The following GYG1 variants were observed in gnomAD, a reference collection of about 807,000 sequenced individuals.
The protein encoded by GYG1 is glycogenin 1, also known as glycogenin-1.
In GYG1, 44 loss-of-function variants were observed where a neutral mutation model predicts 41.9. That is an observed-to-expected ratio of 1.05 (90% CI 0.83 to 1.35). The LOEUF is 1.35. GYG1 is among the 40% of genes most tolerant of loss of function. The pLI is 0.00. For missense variants in GYG1, 429 were observed against 418.9 expected, an observed-to-expected ratio of 1.02 and a Z score of -0.21; for synonymous variants, 141 against 158.1, an observed-to-expected ratio of 0.89 and a Z score of 0.81.
intron 5 of GYG1, among the ~76,000 whole-genome samples, chr3:149,012,899 A>C (rs1378389330): frequency 2.0e-5 from 3 of 152,024 alleles, no homozygotes; most frequent in Non-Finnish European, 4.4e-5. Flanking sequence ...ATCACGACTC[A>C]CTATAGCCTC....
rs528319669 is a variant in GYG1 at position 149,005,089 on chromosome 3, C to T, written c.482-4187C>T. On this transcript the variant is annotated intron_variant, in intron 4 of 7. Coordinates refer to ENST00000345003, the MANE Select transcript of GYG1 (RefSeq NM_004130.4). Reference sequence around the variant, plus strand: ...TTAGTCATTTTAAGTGGAATTGCTTCAGTTAAAGAAGGTGTTATAATGTCC... The same window carrying T: ...TTAGTCATTTTAAGTGGAATTGCTTTAGTTAAAGAAGGTGTTATAATGTCC... Among the ~76,000 whole-genome samples the T allele has an allele frequency of 1.8e-4, 28 of 152,178 alleles. 1 individual carries two copies. The South Asian group carries it at 5.8e-3, about 32-fold the overall frequency.
chr3:149,027,544 C>G lies in GYG1; in HGVS notation c.*611C>G, dbSNP rs1714724306. The G allele has an allele frequency of 1.3e-5, 2 of 154,450 alleles. No individual in the cohort carries two copies. The highest frequency in any genetic ancestry group is 2.9e-5 in the Non-Finnish European group (2 of 69,220). The allele number at this position is 154,450 out of a possible 1,614,324, so 9.6% of individuals were successfully genotyped here. A position where few individuals can be genotyped will look rare whatever the true frequency, so the allele number is the denominator to read the frequency against. On this transcript the variant is annotated 3_prime_UTR_variant, in exon 8 of 8. Transcript: ENST00000345003. ...GGCAGCATGCTAAAATGCTTTTGTT[C>G]AGTTCTGTATATTTGAAAATAGCAG...
intron 2 of GYG1, among the ~76,000 whole-genome samples, chr3:148,995,756 C>T (rs765273553): frequency 3.4e-4 from 52 of 152,180 alleles, no homozygotes; most frequent in Non-Finnish European, 6.5e-4. Flanking sequence ...TTTACCCGTG[C>T]TCAGTTTAGT....
At chr3:149,022,836 T>A (rs1400213701) in intron 5 of GYG1, among the ~76,000 whole-genome samples, 4 of 152,138 alleles carry the variant, frequency 2.6e-5, no homozygotes, top group Admixed American at 1.3e-4. Flanking sequence ...ATGTAATTGT[T>A]TGACCCGTTG....
At position 149,026,811 on chromosome 3, in the gene GYG1, A is replaced by G. The variant is rs747456955; in HGVS notation, c.931A>G (p.Met311Val). The G allele has an allele frequency of 1.7e-5, 28 of 1,613,946 alleles. No homozygotes were observed. In the East Asian group the frequency reaches 5.8e-4, roughly 33 times the overall value. ...TCTGTCCCTTGGGGAGATCCCAGCT[A>G]TGGCACAGCCGTTTGTATCCTCGGA... The part of the protein sequence containing the change: ...SHLSLGEIPA[M>V]AQPFVSSEER... The change falls in exon 8 of 8, where the codon ATG becomes GTG. Residue 311 changes from methionine to valine, a missense_variant. By Grantham distance (21) the Met-to-Val change is conservative. Transcript: ENST00000345003.
Position 149,009,272 on chromosome 3 carries a change from T to C in GYG1, c.482-4T>C. 1 of 1,609,638 alleles carries C rather than the reference T, an allele frequency of 6.2e-7. No homozygotes were observed. Among genetic ancestry groups the C allele is most frequent in the Non-Finnish European group, 8.5e-7 (1 of 1,175,924 alleles). On this transcript the variant is annotated splice_region_variant and splice_polypyrimidine_tract_variant and intron_variant, in intron 4 of 7. Transcript: ENST00000345003. The stretch of plus-strand genomic sequence containing the variant: ...TAACTAATTTATATATTTTTTTCTT[T>C]TAGGTGGGGACCAAGGCATACTGAA...
At chr3:149,016,273 AAAAC>A (rs1376940713) in intron 5 of GYG1, among the ~76,000 whole-genome samples, 7 of 148,162 alleles carry the variant, frequency 4.7e-5, no homozygotes, top group East Asian at 1.9e-4. Flanking sequence ...AAAAAAAAAA[AAAAC>A]AAAAAAGAAA....
chr3:149,022,824 A>G, intron 5 of GYG1, among the ~76,000 whole-genome samples: 1 of 151,568 alleles, frequency 6.6e-6, no homozygotes, highest in East Asian at 1.9e-4. Flanking sequence ...GGAATCATAT[A>G]TATGTAATTG....
rs186419758 is a variant in GYG1 at position 149,006,586 on chromosome 3, C to T, written c.482-2690C>T. ...AGGTTATTGTATCTCTAGTTTGTTCCGTCTTATAGCTGAGAAATATCCCAC... is the reference window on the plus strand; with the variant it reads ...AGGTTATTGTATCTCTAGTTTGTTCTGTCTTATAGCTGAGAAATATCCCAC... On this transcript the variant is annotated intron_variant, in intron 4 of 7. Coordinates refer to ENST00000345003, the MANE Select transcript of GYG1 (RefSeq NM_004130.4). 1.8e-4 allele frequency among the ~76,000 whole-genome samples: 28 copies of T among 152,088 alleles called. No individual in the cohort carries two copies. In the East Asian group the frequency reaches 5.2e-3, roughly 28 times the overall value.
chr3:149,031,018 C>T lies in GYG1; in HGVS notation c.*4085C>T, dbSNP rs1714976875. On this transcript the variant is annotated 3_prime_UTR_variant, in exon 8 of 8. Coordinates refer to ENST00000345003, the MANE Select transcript of GYG1 (RefSeq NM_004130.4). ...TCTCTTGTTTGTTAGAGTAATTAAT[C>T]TTTCTTTGGATTAAAGTTTCCCTTT... The T allele has an allele frequency of 6.6e-6, 1 of 152,126 alleles. No homozygotes were observed. The highest frequency in any genetic ancestry group is 2.4e-5 in the African/African-American group (1 of 41,426). 9.4% of individuals were successfully genotyped at this position (152,126 alleles called of 1,614,324 possible).
chr3:149,028,858 C>G lies in GYG1; in HGVS notation c.*1925C>G, dbSNP rs1479002540. ...ACCTCAGCCTCCTGAGTAGCTGGGA[C>G]TACAGGCACGCACCACCACGCCCAG... is the stretch of plus-strand genomic sequence containing the variant. On this transcript the variant is annotated 3_prime_UTR_variant, in exon 8 of 8. Transcript: ENST00000345003. Among the ~76,000 whole-genome samples the G allele has an allele frequency of 6.6e-6, 1 of 151,880 alleles. No individual in the cohort carries two copies. The highest frequency in any genetic ancestry group is 1.5e-5 in the Non-Finnish European group (1 of 67,968).
At position 149,030,186 on chromosome 3, in the gene GYG1, T is replaced by C. The variant is rs969361593; in HGVS notation, c.*3253T>C. On this transcript the variant is annotated 3_prime_UTR_variant, in exon 8 of 8. Coordinates refer to ENST00000345003, the MANE Select transcript of GYG1 (RefSeq NM_004130.4). Reference sequence around the variant, plus strand: ...AATCCAGTTTTAACCACAAAATTGTTTGAATCACAAGTGGTAATACAATGT... The same window carrying C: ...AATCCAGTTTTAACCACAAAATTGTCTGAATCACAAGTGGTAATACAATGT... 1.3e-5 allele frequency: 2 copies of C among 152,212 alleles called. No homozygotes were observed. Among genetic ancestry groups the C allele is most frequent in the African/African-American group, 4.8e-5 (2 of 41,468 alleles). The allele number at this position is 152,212 out of a possible 1,614,324, so 9.4% of individuals were successfully genotyped here. A position where few individuals can be genotyped will look rare whatever the true frequency, so the allele number is the denominator to read the frequency against.
rs115973939 is a variant in GYG1 at position 149,015,107 on chromosome 3, T to A, written c.608+5705T>A. Among the ~76,000 whole-genome samples the A allele has an allele frequency of 9.1e-3, 1,393 of 152,258 alleles. 25 individuals carry two copies. Among genetic ancestry groups the A allele is most frequent in the African/African-American group, 0.031 (1,297 of 41,554 alleles). ...GTTACAGGTTTGTGGTCTAAGTGAC[T>A]GGAATGATAGAGTTGCCATTTCCTG... On this transcript the variant is annotated intron_variant, in intron 5 of 7. Coordinates refer to ENST00000345003, the MANE Select transcript of GYG1 (RefSeq NM_004130.4).
In GYG1 at chr3:148,996,532, A is replaced by C. The variant is rs573692720; in HGVS notation, c.318+56A>C. On this transcript the variant is annotated intron_variant, in intron 3 of 7. Transcript: ENST00000345003. ...GACATATATATATATGGTGATGGAG[A>C]CCTGTAGGCATTTGAGGAATGCTGT... 6.2e-6 allele frequency: 9 copies of C among 1,445,500 alleles called. No individual in the cohort carries two copies. The African/African-American group carries it at 1.3e-4, about 20-fold the overall frequency. The allele number at this position is 1,445,500 out of a possible 1,614,324, so 89.5% of individuals were successfully genotyped here.
Position 149,027,054 on chromosome 3 carries a change from A to G in GYG1, c.*121A>G. 1 of 1,046,210 alleles carries G rather than the reference A, an allele frequency of 9.6e-7. No homozygotes were observed. The highest frequency in any genetic ancestry group is 2.0e-5 in the Admixed American group (1 of 49,938). 64.8% of individuals were successfully genotyped at this position (1,046,210 alleles called of 1,614,324 possible). A position where few individuals can be genotyped will look rare whatever the true frequency, so the allele number is the denominator to read the frequency against. ...CTAGAGGTTTTCATTAAAACTTATCAGATGAGAGGCTTTTTTAGGATAAGA... is the reference window on the plus strand; with the variant it reads ...CTAGAGGTTTTCATTAAAACTTATCGGATGAGAGGCTTTTTTAGGATAAGA... On this transcript the variant is annotated 3_prime_UTR_variant, in exon 8 of 8. Transcript: ENST00000345003.
Position 148,996,672 on chromosome 3 carries a change from T to C in GYG1, c.319-70T>C, listed in dbSNP as rs1175910069. On this transcript the variant is annotated intron_variant, in intron 3 of 7. Transcript: ENST00000345003. ...TCACCATCTTTTGTGTTGGATGACA[T>C]AGGAAGAACTCAAGAAGGGTATTCT... The C allele has an allele frequency of 8.3e-6, 12 of 1,440,888 alleles. No individual in the cohort carries two copies. The South Asian group carries it at 9.2e-5, about 11-fold the overall frequency. The allele number at this position is 1,440,888 out of a possible 1,614,324, so 89.3% of individuals were successfully genotyped here.
rs866810122 is a variant in GYG1, at chr3:149,024,271, T to G, written c.827T>G (p.Val276Gly). The G allele has an allele frequency of 6.4e-7, 1 of 1,566,494 alleles. No individual in the cohort carries two copies. Among genetic ancestry groups the G allele is most frequent in the Non-Finnish European group, 8.8e-7 (1 of 1,136,544 alleles). ...AAAGACACCTGCTCATATGTAAATG[T>G]GGTAGGTTCTGTTTCTTTTCTTCAG... Reference protein sequence around the residue: ...LVKDTCSYVNVLSDLVYTLAF... With the variant: ...LVKDTCSYVNGLSDLVYTLAF... Residue 276 changes from valine (V) to glycine (G), a missense_variant and splice_region_variant, in exon 6 of 8, where the codon GTG becomes GGG. Transcript: ENST00000345003.
At chr3:149,003,948 C>T (rs1713248637) in intron 4 of GYG1, 1 of 152,200 alleles carries the variant, frequency 6.6e-6, no homozygotes, top group African/African-American at 2.4e-5. Context: ...TTGTTTCTGT[C>T]TTAGGAAACA....
chr3:149,030,550 T>A lies in GYG1; in HGVS notation c.*3617T>A, dbSNP rs565341467. 1.3e-4 allele frequency: 20 copies of A among 152,318 alleles called. No individual in the cohort carries two copies. Among genetic ancestry groups the A allele is most frequent in the Non-Finnish European group, 1.5e-4 (10 of 68,024 alleles). 9.4% of individuals were successfully genotyped at this position (152,318 alleles called of 1,614,324 possible). ...CAGAAAGAGTAGACTGTGTTGTTTT[T>A]TGCCAAAAACTGTTTATACTTAATC... On this transcript the variant is annotated 3_prime_UTR_variant, in exon 8 of 8. Transcript: ENST00000345003.
Sources: allele counts gnomAD v4.1 joint callset (sites outside exome capture counted in the v4.1 genomes callset), GRCh38; gene constraint gnomAD v4.1.1; transcripts MANE v1.5; gene names NCBI Gene and HGNC (gene_info 2026-07-23, HGNC 2026-07-21).